TREH: variants seen among roughly 807,000 people sequenced by gnomAD.
TREH encodes alpha,alpha-trehalose glucohydrolase.
In TREH, 69 loss-of-function variants were observed where a neutral mutation model predicts 80.5. That is an observed-to-expected ratio of 0.86 (90% CI 0.71 to 1.05). The LOEUF (loss-of-function observed/expected upper bound fraction) is 1.05, where lower values mean the gene tolerates loss of function less well. Among genes scored for constraint, TREH ranks in the 50% least tolerant of loss-of-function variants. The probability of loss-of-function intolerance (pLI) is 0.00; values close to 1 mark genes in which losing one functional copy is unlikely to be tolerated. For missense variants in TREH, 716 were observed against 718.8 expected (o/e 1.00, Z 0.04); for synonymous variants, 309 against 293.5 (o/e 1.05, Z -0.54).
In TREH at chr11:118,661,840, A is replaced by T. The variant is rs377434501; in HGVS notation, c.524+50T>A. The T allele has an allele frequency of 1.4e-4, 217 of 1,579,038 alleles. 1 individual carries two copies. In the African/African-American group the frequency reaches 2.0e-3, roughly 14 times the overall value. ...CACCCTGCTGGCCCTGGGTTTCTCCACCACTGCCAGTCCTGCAGGCCCCTT... is the reference window on the plus strand; with the variant it reads ...CACCCTGCTGGCCCTGGGTTTCTCCTCCACTGCCAGTCCTGCAGGCCCCTT... On this transcript the variant is annotated intron_variant, in intron 5 of 14. Transcript: ENST00000264029. This position sits in a 1 kb window ranked among gnomAD's most constrained non-coding sequence, Gnocchi z 4.2.
chr11:118,658,001 A>C lies in TREH; in HGVS notation c.*288T>G, dbSNP rs1949218970. 2.3e-6 allele frequency: 1 copy of C among 429,146 alleles called. No homozygotes were observed. Among genetic ancestry groups the C allele is most frequent in the Non-Finnish European group, 4.2e-6 (1 of 237,450 alleles). The allele number at this position is 429,146 out of a possible 1,614,324, so 26.6% of individuals were successfully genotyped here. A position where few individuals can be genotyped will look rare whatever the true frequency, so the allele number is the denominator to read the frequency against. On this transcript the variant is annotated 3_prime_UTR_variant, in exon 15 of 15. Coordinates refer to ENST00000264029, the MANE Select transcript of TREH (RefSeq NM_007180.3). ...TTTCAGTATTTGTAAGCATTTCAGC[A>C]GAACAATAAAGCCTTTGGACTACGG... is the stretch of plus-strand genomic sequence containing the variant.
chr11:118,658,347 G>A lies in TREH; in HGVS notation c.1694C>T (p.Pro565Leu), dbSNP rs782070469. The change falls in exon 15 of 15, where the codon CCC becomes CTC. Residue 565 changes from proline (P) to leucine (L), a missense_variant. Pro to Leu is a moderately conservative substitution (Grantham distance 98). Transcript: ENST00000264029. The part of the protein sequence containing the change: ...TSGAKLAFLE[P>L]HCLAATLLPS... ...CAGAAGGGTGGCCGCCAGGCAGTGG[G>A]GCTCCAGGAAAGCCAGCTTGGCCCC... 9 of 1,600,680 alleles carry A rather than the reference G, an allele frequency of 5.6e-6. No individual in the cohort carries two copies. In the East Asian group the frequency reaches 1.4e-4, roughly 24 times the overall value.
intron 1 of TREH, among the ~76,000 whole-genome samples, chr11:118,678,926 C>G (rs1555147140): frequency 6.6e-6 from 1 of 152,210 alleles, no homozygotes; most frequent in Admixed American, 6.5e-5. Flanking sequence ...CACACCCAGA[C>G]TAGGAAGCTG....
rs2137260740 is a variant in TREH at position 118,659,892 on chromosome 11, C to T, written c.1175G>A (p.Trp392Ter). 4 of 1,551,884 alleles carry T rather than the reference C, an allele frequency of 2.6e-6. No individual in the cohort carries two copies. Among genetic ancestry groups the T allele is most frequent in the Non-Finnish European group, 2.6e-6 (3 of 1,147,058 alleles). Residue 392 changes from tryptophan to a stop codon, truncating the protein, a stop_gained, in exon 11 of 15, where the codon TGG becomes TAG. Transcript: ENST00000264029. LOFTEE classifies it high-confidence loss of function. Reference protein sequence around the residue: ...QRLAALNTVLWDEQTGAWFDY... With the variant: ...QRLAALNTVL ...GAACCAGGCTCCGGTCTGCTCATCC[C>T]ACAGGACTGTGTTCAGGGCGGCCAA...
chr11:118,679,197 C>A (rs998005282), intron 1 of TREH, among the ~76,000 whole-genome samples: 1 of 152,106 alleles, frequency 6.6e-6, no homozygotes, highest in South Asian at 2.1e-4. Context: ...ACAGGCTGGG[C>A]GTGGTGGTGC....
At position 118,659,781 on chromosome 11, in the gene TREH, G is replaced by T. The variant is rs370875238; in HGVS notation, c.1286C>A (p.Pro429His). ...TTTCAGAGCCTTGTCCGCCACGCCA[G>T]GGTCAGAGAAACACCCGGCCCAGAG... ...TPLWAGCFSD[P>H]GVADKALKYL... Residue 429 changes from proline (P) to histidine (H), a missense_variant, in exon 11 of 15, where the codon CCT becomes CAT. By Grantham distance (77) the Pro-to-His change is moderately conservative. Transcript: ENST00000264029. 3.8e-6 allele frequency: 6 copies of T among 1,584,630 alleles called. No individual in the cohort carries two copies. Among genetic ancestry groups the T allele is most frequent in the East Asian group, 4.6e-5 (2 of 43,446 alleles).
chr11:118,670,535 C>T (rs1046057797), intron 1 of TREH, among the ~76,000 whole-genome samples: 8 of 152,310 alleles, frequency 5.3e-5, no homozygotes, highest in African/African-American at 1.7e-4. Context: ...GAGCTTTTAG[C>T]TCAATTCCCC....
At chr11:118,668,807 G>C (rs182940166) in intron 1 of TREH, among the ~76,000 whole-genome samples, 15 of 151,966 alleles carry the variant, frequency 9.9e-5, no homozygotes, top group African/African-American at 3.6e-4. Context: ...AGGCGTGGTG[G>C]TGCATGCCTG....
chr11:118,658,904 C>A lies in TREH; in HGVS notation c.1545+1G>T, dbSNP rs377365396. 200 of 1,613,890 alleles carry A rather than the reference C, an allele frequency of 1.2e-4. 1 individual carries two copies. The highest frequency in any genetic ancestry group is 1.7e-4 in the Middle Eastern group (1 of 6,060). On this transcript the variant is annotated splice_donor_variant, in intron 13 of 14. Transcript: ENST00000264029. LOFTEE classifies it high-confidence loss of function. ...TGCAGGGAGGGCTTGGGCCAGCTCACCTTCTCATACATGGCTGACTTCTGC... is the reference window on the plus strand; with the variant it reads ...TGCAGGGAGGGCTTGGGCCAGCTCAACTTCTCATACATGGCTGACTTCTGC...
At position 118,658,165 on chromosome 11, in the gene TREH, G is replaced by A; in HGVS notation, c.*124C>T. The A allele has an allele frequency of 7.4e-6, 10 of 1,360,330 alleles. No homozygotes were observed. The East Asian group carries it at 7.6e-5, about 10-fold the overall frequency. 84.3% of individuals were successfully genotyped at this position (1,360,330 alleles called of 1,614,324 possible). On this transcript the variant is annotated 3_prime_UTR_variant, in exon 15 of 15. Transcript: ENST00000264029. ...CCCATGACCTCCAGGTCGTGACCCT[G>A]CCCTCCACTTCGCTCTGAGGACAGG...
At chr11:118,659,092 C>G in intron 12 of TREH, 75 bp from the exon 13 acceptor site, 1 of 1,446,934 alleles carries the variant, frequency 6.9e-7, no homozygotes, top group Non-Finnish European at 9.6e-7. Context: ...ACCCTACTCT[C>G]CCCAAGGAGG....
In TREH at chr11:118,661,055, C is replaced by A; in HGVS notation, c.857+105G>T. On this transcript the variant is annotated intron_variant, in intron 8 of 14. Transcript: ENST00000264029. This position sits in a 1 kb window ranked among gnomAD's most constrained non-coding sequence, Gnocchi z 4.2. ...TGCAGAGGGCTCTCGGTGTCACCAT[C>A]TGAGAGGCCAGGCTAAGTCACTCCT... 6.3e-7 allele frequency: 1 copy of A among 1,576,882 alleles called. No homozygotes were observed. The highest frequency in any genetic ancestry group is 1.2e-5 in the South Asian group (1 of 86,556).
At chr11:118,675,173 C>T (rs1230853447) in intron 1 of TREH, among the ~76,000 whole-genome samples, 6 of 152,182 alleles carry the variant, frequency 3.9e-5, no homozygotes, top group African/African-American at 9.6e-5. Context: ...TGTATCCACT[C>T]GAGAATGAAA....
chr11:118,659,283 T>A, intron 12 of TREH, 87 bp downstream of exon 12: 6 of 1,171,646 alleles, frequency 5.1e-6, no homozygotes, highest in Non-Finnish European at 5.9e-6. Context: ...GCCTCTTGTG[T>A]CTTTTGTTCA....
chr11:118,661,254 A>G lies in TREH; in HGVS notation c.763T>C (p.Leu255=), dbSNP rs374890467. 119 of 1,613,946 alleles carry G rather than the reference A, an allele frequency of 7.4e-5. 1 individual carries two copies. The African/African-American group carries it at 1.2e-3, about 17-fold the overall frequency. The change falls in exon 8 of 15, where the codon TTG becomes CTG. Residue 255 remains leucine (L), a synonymous_variant. Coordinates refer to ENST00000264029, the MANE Select transcript of TREH (RefSeq NM_007180.3). The surrounding 1 kb of genome is among the most constrained non-coding windows in gnomAD (Gnocchi z 4.2). ...QENIETLALE[L]DFWTKNRTVS... ...GTCCTGTTCTTGGTCCAAAAGTCCA[A>G]TTCCAAGGCTAGTGTTTCAATGTTT...
chr11:118,658,494 G>A (rs1330536342), intron 14 of TREH, 53 bp from the exon 15 acceptor site: 4 of 1,580,952 alleles, frequency 2.5e-6, no homozygotes, highest in East Asian at 4.6e-5. Context: ...CATACCCTTG[G>A]TGGGGGCTGT....
chr11:118,672,886 A>G (rs1949443638), intron 1 of TREH, among the ~76,000 whole-genome samples: 1 of 152,106 alleles, frequency 6.6e-6, no homozygotes, highest in African/African-American at 2.4e-5. Context: ...GAACCACTGA[A>G]TCAGCTGGGA....
At position 118,659,648 on chromosome 11, in the gene TREH, G is replaced by A. The variant is rs1191046372; in HGVS notation, c.1320+99C>T. ...TGGGACCCGCAGGCTGGGACAAGGG[G>A]CATAGCCGGAGGAAGCGCCCTCCCC... On this transcript the variant is annotated intron_variant, in intron 11 of 14. Coordinates refer to ENST00000264029, the MANE Select transcript of TREH (RefSeq NM_007180.3). The A allele has an allele frequency of 9.0e-6, 13 of 1,440,786 alleles. No individual in the cohort carries two copies. In the Admixed American group the frequency reaches 1.6e-4, roughly 18 times the overall value. The allele number at this position is 1,440,786 out of a possible 1,614,324, so 89.3% of individuals were successfully genotyped here. A position where few individuals can be genotyped will look rare whatever the true frequency, so the allele number is the denominator to read the frequency against.
At position 118,661,353 on chromosome 11, in the gene TREH, G is replaced by A. The variant is rs1949319405; in HGVS notation, c.734+40C>T. On this transcript the variant is annotated intron_variant, in intron 7 of 14. Transcript: ENST00000264029. This position sits in a 1 kb window ranked among gnomAD's most constrained non-coding sequence, Gnocchi z 4.2. ...CCCAGCCCTGAGAGGTCTGAGGGAT[G>A]GGTGGGTCTGCAGAGCAGCACAGGG... 1.2e-6 allele frequency: 2 copies of A among 1,613,814 alleles called. No homozygotes were observed. Among genetic ancestry groups the A allele is most frequent in the East Asian group, 2.2e-5 (1 of 44,890 alleles).
Sources: allele counts gnomAD v4.1 joint callset (sites outside exome capture counted in the v4.1 genomes callset), GRCh38; gene constraint gnomAD v4.1.1; non-coding constraint Gnocchi (gnomAD v3.1); transcripts MANE v1.5; gene names NCBI Gene and HGNC (gene_info 2026-07-23, HGNC 2026-07-21).